Variants in SHTN1 observed in about 807,000 individuals in gnomAD.
SHTN1 encodes the protein shootin 1.
In SHTN1, 42 loss-of-function variants were observed where a neutral mutation model predicts 83.1. The ratio of observed to expected loss-of-function variants is 0.51; its 90% CI spans 0.39 to 0.65. The LOEUF (loss-of-function observed/expected upper bound fraction) is 0.65, where lower values mean the gene tolerates loss of function less well. SHTN1 is among the 30% of genes least tolerant of loss of function. The pLI is 0.00. For synonymous variants in SHTN1, 224 were observed against 247.7 expected (o/e 0.90, Z 0.90); for missense variants, 622 against 737.8 (o/e 0.84, Z 1.82).
rs181301558 is a variant in SHTN1 at position 116,987,967 on chromosome 10, G to C, written c.59-8659C>G. On this transcript the variant is annotated intron_variant, in intron 1 of 16. Transcript: ENST00000355371. The stretch of plus-strand genomic sequence containing the variant: ...TGGGTGCCAAGGATTTGTAGTTAAA[G>C]AGGAAGGGCTGAACAGGTAGAGCAC... 5.5e-3 allele frequency among the ~76,000 whole-genome samples: 829 copies of C among 151,426 alleles called. 6 individuals carry two copies. The highest frequency in any genetic ancestry group is 0.019 in the African/African-American group (765 of 41,334).
intron 1 of SHTN1, among the ~76,000 whole-genome samples, chr10:117,082,316 G>A (rs1173737842): frequency 2.2e-5 from 3 of 139,120 alleles, no homozygotes; most frequent in Non-Finnish European, 3.1e-5. Context: ...TCAGGAGCAG[G>A]TTGTTCAGTT....
intron 13 of SHTN1, among the ~76,000 whole-genome samples, chr10:116,915,026 A>G (rs1249308045): frequency 6.6e-6 from 1 of 152,236 alleles, no homozygotes; most frequent in Non-Finnish European, 1.5e-5. Flanking sequence ...TGCCTAAAAC[A>G]GCATCTGGCA....
At chr10:117,049,452 G>A (rs1206052397) in intron 1 of SHTN1, among the ~76,000 whole-genome samples, 1 of 152,114 alleles carries the variant, frequency 6.6e-6, no homozygotes, top group Non-Finnish European at 1.5e-5. Flanking sequence ...TATAACAAGG[G>A]AGATAGTGGT....
At chr10:117,091,305 T>C (rs1853427229) in intron 1 of SHTN1, among the ~76,000 whole-genome samples, 1 of 152,200 alleles carries the variant, frequency 6.6e-6, no homozygotes, top group South Asian at 2.1e-4. Flanking sequence ...ATGAGGTAAA[T>C]AGTATTACTA....
intron 9 of SHTN1, among the ~76,000 whole-genome samples, chr10:116,931,407 C>G (rs996058814): frequency 6.6e-6 from 1 of 152,070 alleles, no homozygotes; most frequent in African/African-American, 2.4e-5. Context: ...TGTCACCACA[C>G]CCGGCTAATT....
chr10:116,952,242 C>A (rs1461988093), intron 5 of SHTN1, among the ~76,000 whole-genome samples: 1 of 152,072 alleles, frequency 6.6e-6, no homozygotes. Flanking sequence ...TTAAATGTAC[C>A]AGATCATGTT....
At chr10:116,971,707 C>T (rs1850627150) in intron 2 of SHTN1, among the ~76,000 whole-genome samples, 1 of 152,178 alleles carries the variant, frequency 6.6e-6, no homozygotes, top group Non-Finnish European at 1.5e-5. Flanking sequence ...TGGTGCTTTA[C>T]TTTCAAATTA....
In SHTN1 at chr10:116,882,277, C is replaced by A. The variant is rs1382236066; in HGVS notation, c.*4067G>T. 1 of 151,628 alleles carries A rather than the reference C, an allele frequency of 6.6e-6. No individual in the cohort carries two copies. The highest frequency in any genetic ancestry group is 6.6e-5 in the Admixed American group (1 of 15,216). 9.4% of individuals were successfully genotyped at this position (151,628 alleles called of 1,614,324 possible). A position where few individuals can be genotyped will look rare whatever the true frequency, so the allele number is the denominator to read the frequency against. On this transcript the variant is annotated 3_prime_UTR_variant, in exon 17 of 17. Coordinates refer to ENST00000355371, the MANE Select transcript of SHTN1 (RefSeq NM_001127211.3). ...TTTATCTTTGCGAGTCTTCTTAGAT[C>A]CTTTTTGGAGTAAGAATGAGTATAA...
chr10:116,904,573 T>C (rs932889914), intron 15 of SHTN1, among the ~76,000 whole-genome samples: 7 of 152,170 alleles, frequency 4.6e-5, no homozygotes, highest in Non-Finnish European at 1.0e-4. Flanking sequence ...TTATTAACGA[T>C]TCTACTGAAA....
At chr10:116,926,762 G>C (rs181198258) in intron 11 of SHTN1, among the ~76,000 whole-genome samples, 156 of 150,700 alleles carry the variant, frequency 1.0e-3, no homozygotes, top group African/African-American at 3.6e-3. Flanking sequence ...ATTTGTTAAA[G>C]AATAAATTAT....
At chr10:117,050,603 G>T (rs1852726421) in intron 1 of SHTN1, among the ~76,000 whole-genome samples, 1 of 151,686 alleles carries the variant, frequency 6.6e-6, no homozygotes, top group African/African-American at 2.4e-5. Context: ...GCAAATAAAT[G>T]AAATCGACAA....
intron 1 of SHTN1, among the ~76,000 whole-genome samples, chr10:117,108,682 T>A (rs1297377090): frequency 6.6e-6 from 1 of 151,510 alleles, no homozygotes; most frequent in Non-Finnish European, 1.5e-5. Flanking sequence ...GTTGTGCACA[T>A]GTACCCTAGA....
intron 13 of SHTN1, among the ~76,000 whole-genome samples, chr10:116,912,838 G>A (rs547379178): frequency 9.9e-5 from 15 of 152,230 alleles, no homozygotes; most frequent in African/African-American, 3.1e-4. Context: ...AAAAATGAGA[G>A]TTAATTAACA....
At chr10:117,044,139 T>C (rs989450752) in intron 2 of SHTN1, among the ~76,000 whole-genome samples, 1 of 152,114 alleles carries the variant, frequency 6.6e-6, no homozygotes, top group African/African-American at 2.4e-5. Context: ...AAAGTAAGTA[T>C]TTTTCTCTTC....
rs1332510479 is a variant in SHTN1, at chr10:116,882,291, GAA to G, written c.*4051_*4052del. ...TCTTCTTAGATCCTTTTTGGAGTAA[GAA>G]TGAGTATAAATGAATAAGCACATCA... On this transcript the variant is annotated 3_prime_UTR_variant, in exon 17 of 17. Transcript: ENST00000355371. The G allele has an allele frequency of 6.6e-6, 1 of 150,514 alleles. No homozygotes were observed. The highest frequency in any genetic ancestry group is 1.5e-5 in the Non-Finnish European group (1 of 67,890). The allele number at this position is 150,514 out of a possible 1,614,324, so 9.3% of individuals were successfully genotyped here. A position where few individuals can be genotyped will look rare whatever the true frequency, so the allele number is the denominator to read the frequency against.
At chr10:116,990,283 C>CTTTTTTT (rs1462733730) in intron 1 of SHTN1, among the ~76,000 whole-genome samples, 1 of 56,326 alleles carries the variant, frequency 1.8e-5, no homozygotes, top group South Asian at 7.8e-4. Context: ...TTTCTTTTTT[C>CTTTTTTT]TTTCTTTTTT....
intron 1 of SHTN1, among the ~76,000 whole-genome samples, chr10:116,983,107 A>G (rs1202439820): frequency 6.6e-6 from 1 of 152,194 alleles, no homozygotes; most frequent in African/African-American, 2.4e-5. Flanking sequence ...GACAGTAATT[A>G]AAAAGTACAT....
intron 9 of SHTN1, among the ~76,000 whole-genome samples, chr10:116,940,211 T>C (rs949259384): frequency 1.3e-5 from 2 of 152,206 alleles, no homozygotes; most frequent in Non-Finnish European, 2.9e-5. Context: ...CCTCTTTCCC[T>C]TGCTTCTTCC....
At chr10:116,943,345 T>C (rs1428453854) in intron 8 of SHTN1, among the ~76,000 whole-genome samples, 4 of 152,336 alleles carry the variant, frequency 2.6e-5, no homozygotes, top group African/African-American at 7.2e-5. Flanking sequence ...CTAACATCAT[T>C]GTGCAAACAA....
Sources: allele counts gnomAD v4.1 joint callset (sites outside exome capture counted in the v4.1 genomes callset), GRCh38; gene constraint gnomAD v4.1.1; transcripts MANE v1.5; gene names NCBI Gene and HGNC (gene_info 2026-07-23, HGNC 2026-07-21).